GLS: variants seen among roughly 807,000 people sequenced by gnomAD.
The protein encoded by GLS is glutaminase.
A neutral mutation model predicts 86.7 loss-of-function variants in GLS; 36 were observed. That is an observed-to-expected ratio of 0.42 (90% CI 0.32 to 0.55). The LOEUF (loss-of-function observed/expected upper bound fraction) is 0.55. Among genes scored for constraint, GLS ranks in the 20% least tolerant of loss-of-function variants. The probability of loss-of-function intolerance (pLI) is 0.17; values close to 1 mark genes in which losing one functional copy is unlikely to be tolerated. For missense variants in GLS, 528 were observed against 833.4 expected (o/e 0.63, Z 4.51); for synonymous variants, 317 against 305.9 (o/e 1.04, Z -0.38).
intron 7 of GLS, among the ~76,000 whole-genome samples, chr2:190,912,495 T>A (rs529749619): frequency 4.2e-4 from 64 of 152,246 alleles, no homozygotes; most frequent in African/African-American, 1.4e-3. Context: ...ATATCTATAA[T>A]GTGATCTCTG....
chr2:190,931,705 T>TATA, intron 14 of GLS, 68 bp downstream of exon 14: 2 of 721,298 alleles, frequency 2.8e-6, no homozygotes, highest in South Asian at 3.6e-5. Context: ...GATTTGCCTG[T>TATA]ATAAATAAAA....
At chr2:190,946,281 A>T (rs1343904313) in intron 14 of GLS, among the ~76,000 whole-genome samples, 1 of 152,214 alleles carries the variant, frequency 6.6e-6, no homozygotes, top group African/African-American at 2.4e-5. Context: ...CCTTAAGAAA[A>T]TATAAAAGCA....
At position 190,924,066 on chromosome 2, in the gene GLS, G is replaced by T; in HGVS notation, c.1197+83G>T. On this transcript the variant is annotated intron_variant, in intron 10 of 17. Coordinates refer to ENST00000320717, the MANE Select transcript of GLS (RefSeq NM_014905.5). The surrounding 1 kb of genome is among the most constrained non-coding windows in gnomAD (Gnocchi z 5.2). The stretch of plus-strand genomic sequence containing the variant: ...GATGTATGCTAAGAATTCAACAATA[G>T]CCTTTAAGCAACTACCTATTACTAT... 3.9e-6 allele frequency: 3 copies of T among 761,918 alleles called. No homozygotes were observed. Among genetic ancestry groups the T allele is most frequent in the Middle Eastern group, 3.2e-4 (1 of 3,106 alleles). 47.2% of individuals were successfully genotyped at this position (761,918 alleles called of 1,614,324 possible).
chr2:190,885,871 T>A (rs973308153), intron 1 of GLS, among the ~76,000 whole-genome samples: 3 of 139,902 alleles, frequency 2.1e-5, no homozygotes, highest in African/African-American at 7.4e-5. Context: ...AATTTTATTT[T>A]TATTTATTTA....
chr2:190,911,595 G>T (rs1234106738), intron 7 of GLS, among the ~76,000 whole-genome samples: 1 of 152,024 alleles, frequency 6.6e-6, no homozygotes, highest in African/African-American at 2.4e-5. Context: ...TTTGTAGTGT[G>T]GGATATGCAA....
rs1204263399 is a variant in GLS at position 190,921,287 on chromosome 2, A to G, written c.1130+84A>G. ...TCCACTCTCTTTTCATTGGAGGGAA[A>G]TGAATGATTTCTAAATTACCTGACA... On this transcript the variant is annotated intron_variant, in intron 9 of 17. Coordinates refer to ENST00000320717, the MANE Select transcript of GLS (RefSeq NM_014905.5). The surrounding 1 kb of genome is among the most constrained non-coding windows in gnomAD (Gnocchi z 4.2). The G allele has an allele frequency of 7.5e-6, 7 of 931,508 alleles. No individual in the cohort carries two copies. The highest frequency in any genetic ancestry group is 1.2e-5 in the Non-Finnish European group (7 of 571,640). 57.7% of individuals were successfully genotyped at this position (931,508 alleles called of 1,614,324 possible).
At chr2:190,923,169 A>C (rs138562879) in intron 9 of GLS, among the ~76,000 whole-genome samples, 1 of 152,084 alleles carries the variant, frequency 6.6e-6, no homozygotes, top group Non-Finnish European at 1.5e-5. Context: ...TTTCAAACTG[A>C]TGTCAGAGTT....
rs1410062609 is a variant in GLS at position 190,881,379 on chromosome 2, G to A, written c.295G>A (p.Ala99Thr). The A allele has an allele frequency of 4.5e-5, 70 of 1,540,810 alleles. No individual in the cohort carries two copies. The highest frequency in any genetic ancestry group is 5.9e-5 in the Admixed American group (3 of 50,586). ...HPQPGVSPPA[A>T]PAAPGPKDGP... The stretch of plus-strand genomic sequence containing the variant: ...GCAGCCCGGGGTGTCGCCACCCGCT[G>A]CCCCGGCGGCGCCCGGCCCCAAGGA... The change falls in exon 1 of 18, where the codon GCC (alanine) becomes ACC (threonine). Residue 99 changes from alanine to threonine, a missense_variant. Ala to Thr is a moderately conservative substitution (Grantham distance 58). Transcript: ENST00000320717.
In GLS at chr2:190,954,446, A is replaced by C. The variant is rs575708193; in HGVS notation, c.1713-138A>C. On this transcript the variant is annotated intron_variant, in intron 15 of 17. Transcript: ENST00000320717. The surrounding 1 kb of genome is among the most constrained non-coding windows in gnomAD (Gnocchi z 4.0). The stretch of plus-strand genomic sequence containing the variant: ...CAAAACACCTGTGTACTGGTTAATA[A>C]GGTCGGTAGTTCCCATTAATGAGCT... 2.2e-4 allele frequency: 135 copies of C among 625,558 alleles called. 1 individual carries two copies. The highest frequency in any genetic ancestry group is 3.4e-4 in the Non-Finnish European group (117 of 348,816). The allele number at this position is 625,558 out of a possible 1,614,324, so 38.8% of individuals were successfully genotyped here. A position where few individuals can be genotyped will look rare whatever the true frequency, so the allele number is the denominator to read the frequency against.
chr2:190,892,490 T>TA (rs1162216189), intron 1 of GLS, among the ~76,000 whole-genome samples: 4 of 152,306 alleles, frequency 2.6e-5, no homozygotes, highest in South Asian at 4.1e-4. Context: ...AAAACTTAAA[T>TA]ACTTCTCTCA....
Position 190,962,174 on chromosome 2 carries a change from A to G in GLS, c.1854-656A>G, listed in dbSNP as rs1005366829. Among the ~76,000 whole-genome samples, 2 of 152,174 alleles carry G rather than the reference A, an allele frequency of 1.3e-5. No individual in the cohort carries two copies. The highest frequency in any genetic ancestry group is 6.5e-5 in the Admixed American group (1 of 15,286). ...CTTGAATATTCATCTACATCACTCT[A>G]AACAGCACAGCCCCAGAAGCATGGA... On this transcript the variant is annotated intron_variant, in intron 17 of 17. Coordinates refer to ENST00000320717, the MANE Select transcript of GLS (RefSeq NM_014905.5). This position sits in a 1 kb window ranked among gnomAD's most constrained non-coding sequence, Gnocchi z 4.2.
intron 3 of GLS, among the ~76,000 whole-genome samples, chr2:190,899,871 C>T (rs1688877007): frequency 1.3e-5 from 2 of 152,156 alleles, no homozygotes; most frequent in South Asian, 2.1e-4. Flanking sequence ...ACTTTTTTAA[C>T]AGTGAAACAT....
intron 3 of GLS, chr2:190,896,192 A>G (rs951503368): frequency 6.6e-6 from 1 of 152,280 alleles, no homozygotes; most frequent in South Asian, 2.1e-4. Context: ...CTTCAGACAT[A>G]TTGATACATA....
intron 3 of GLS, 61 bp from the exon 4 acceptor site, chr2:190,900,503 T>G: frequency 1.1e-6 from 1 of 910,248 alleles, no homozygotes; most frequent in Non-Finnish European, 1.7e-6. Context: ...ATTACTGTTA[T>G]TACCAAGTTC....
At chr2:190,961,040 T>C (rs913534176) in intron 17 of GLS, among the ~76,000 whole-genome samples, 2 of 152,142 alleles carry the variant, frequency 1.3e-5, no homozygotes, top group Non-Finnish European at 2.9e-5. Context: ...TATGTATTAA[T>C]TTTTTTTGCC....
In GLS at chr2:190,880,931, C is replaced by T; in HGVS notation, c.-154C>T. The T allele has an allele frequency of 1.0e-6, 1 of 995,698 alleles. No individual in the cohort carries two copies. Among genetic ancestry groups the T allele is most frequent in the Non-Finnish European group, 1.5e-6 (1 of 664,610 alleles). 61.7% of individuals were successfully genotyped at this position (995,698 alleles called of 1,614,324 possible). On this transcript the variant is annotated 5_prime_UTR_variant, in exon 1 of 18. Transcript: ENST00000320717. ...GCAGCAGCAGCAGCACCCGCATCCG[C>T]TGCGGGAGTCCGAGCCGGAACCACA...
At chr2:190,958,123 G>A (rs138052797) in intron 17 of GLS, among the ~76,000 whole-genome samples, 48 of 152,176 alleles carry the variant, frequency 3.2e-4, no homozygotes, top group African/African-American at 9.9e-4. Flanking sequence ...ACTTGTTATC[G>A]GTCTATTCAG....
At position 190,895,785 on chromosome 2, in the gene GLS, T is replaced by G; in HGVS notation, c.605+60T>G. On this transcript the variant is annotated intron_variant, in intron 3 of 17. Coordinates refer to ENST00000320717, the MANE Select transcript of GLS (RefSeq NM_014905.5). The surrounding 1 kb of genome is among the most constrained non-coding windows in gnomAD (Gnocchi z 4.2). Reference sequence around the variant, plus strand: ...GCTATGCTATACGGTGATTCTGCTTTTAAAACAAAATTGCATCTTTGAAGG... The same window carrying G: ...GCTATGCTATACGGTGATTCTGCTTGTAAAACAAAATTGCATCTTTGAAGG... 1 of 1,414,588 alleles carries G rather than the reference T, an allele frequency of 7.1e-7. No individual in the cohort carries two copies. The highest frequency in any genetic ancestry group is 1.9e-4 in the Middle Eastern group (1 of 5,358). The allele number at this position is 1,414,588 out of a possible 1,614,324, so 87.6% of individuals were successfully genotyped here.
At chr2:190,910,926 T>C (rs1424215301) in intron 7 of GLS, among the ~76,000 whole-genome samples, 1 of 150,394 alleles carries the variant, frequency 6.6e-6, no homozygotes, top group African/African-American at 2.4e-5. Context: ...AAATTTGCAT[T>C]GTAAGGGTTT....
Sources: gnomAD v4.1 joint callset for allele counts (sites outside exome capture counted in the v4.1 genomes callset) on GRCh38, gnomAD v4.1.1 for gene constraint, Gnocchi (gnomAD v3.1) non-coding constraint, MANE v1.5 for transcripts, NCBI Gene and HGNC (gene_info 2026-07-23, HGNC 2026-07-21) for gene names.